SLC25A21: variants seen among roughly 807,000 people sequenced by gnomAD.
SLC25A21 encodes mitochondrial 2-oxodicarboxylate carrier.
In SLC25A21, 47 loss-of-function variants were observed where a neutral mutation model predicts 43.8. The ratio of observed to expected loss-of-function variants is 1.07; its 90% CI spans 0.85 to 1.37. The LOEUF (loss-of-function observed/expected upper bound fraction) is 1.37. SLC25A21 is among the 40% of genes most tolerant of loss of function. The probability of loss-of-function intolerance (pLI) is 0.00; values close to 1 mark genes in which losing one functional copy is unlikely to be tolerated. For synonymous variants in SLC25A21, 131 were observed against 121.3 expected, an observed-to-expected ratio of 1.08 and a Z score of -0.52; for missense variants, 352 against 350.2, an observed-to-expected ratio of 1.00 and a Z score of -0.04.
intron 7 of SLC25A21, among the ~76,000 whole-genome samples, chr14:36,710,229 T>C (rs979595611): frequency 6.6e-6 from 1 of 151,688 alleles, no homozygotes; most frequent in East Asian, 1.9e-4. Flanking sequence ...AAAAATTAGC[T>C]GGGTGCGGTG....
intron 1 of SLC25A21, among the ~76,000 whole-genome samples, chr14:37,119,410 G>C (rs542705293): frequency 6.6e-6 from 1 of 152,014 alleles, no homozygotes; most frequent in Non-Finnish European, 1.5e-5. Context: ...TTATCCAGGC[G>C]TGGTGGTGTG....
chr14:37,115,286 G>A (rs556999571), intron 1 of SLC25A21, among the ~76,000 whole-genome samples: 16 of 152,194 alleles, frequency 1.1e-4, no homozygotes, highest in Non-Finnish European at 1.8e-4. Flanking sequence ...TTGATGCTAC[G>A]GAGTATTGAA....
chr14:36,778,007 C>T (rs555709584), intron 3 of SLC25A21, among the ~76,000 whole-genome samples: 23 of 152,308 alleles, frequency 1.5e-4, no homozygotes, highest in African/African-American at 5.3e-4. Flanking sequence ...TTCCTTACCT[C>T]CCTGAGCTCT....
At chr14:36,834,561 A>G (rs1422180103) in intron 2 of SLC25A21, among the ~76,000 whole-genome samples, 1 of 152,066 alleles carries the variant, frequency 6.6e-6, no homozygotes, top group East Asian at 1.9e-4. Context: ...TTCCTTCCAC[A>G]CCTTTCTCAA....
chr14:36,965,981 T>C (rs1959603937), intron 1 of SLC25A21, among the ~76,000 whole-genome samples: 1 of 152,164 alleles, frequency 6.6e-6, no homozygotes, highest in African/African-American at 2.4e-5. Context: ...TACCAAAATA[T>C]CTCATGTACC....
intron 2 of SLC25A21, among the ~76,000 whole-genome samples, chr14:36,859,494 T>C (rs1890000813): frequency 1.3e-5 from 2 of 152,302 alleles, no homozygotes; most frequent in South Asian, 4.1e-4. Context: ...CTTCTCTTCC[T>C]AGTCTAGGGC....
At chr14:36,844,139 G>A (rs1374811981) in intron 2 of SLC25A21, among the ~76,000 whole-genome samples, 1 of 152,170 alleles carries the variant, frequency 6.6e-6, no homozygotes, top group Non-Finnish European at 1.5e-5. Flanking sequence ...ACTTTAACAC[G>A]CTACAGTACT....
chr14:36,850,430 A>C (rs1343403423), intron 2 of SLC25A21, among the ~76,000 whole-genome samples: 1 of 152,116 alleles, frequency 6.6e-6, no homozygotes, highest in African/African-American at 2.4e-5. Context: ...CCAAAGCTAA[A>C]ATTTTTTTTT....
Position 36,774,478 on chromosome 14 carries a change from G to A in SLC25A21, c.203+39440C>T, listed in dbSNP as rs139039274. Among the ~76,000 whole-genome samples the A allele has an allele frequency of 8.7e-4, 132 of 152,284 alleles. 1 individual carries two copies. Among genetic ancestry groups the A allele is most frequent in the Admixed American group, 1.8e-3 (27 of 15,298 alleles). On this transcript the variant is annotated intron_variant, in intron 3 of 9. Transcript: ENST00000331299. ...GTATGAGGAAAAGAACTGATAGATC[G>A]TTAGGTAGATTTTGATAATATATTC... is the stretch of plus-strand genomic sequence containing the variant.
intron 1 of SLC25A21, among the ~76,000 whole-genome samples, chr14:37,001,208 A>C (rs979612849): frequency 6.6e-6 from 1 of 152,240 alleles, no homozygotes; most frequent in African/African-American, 2.4e-5. Flanking sequence ...TAGCTTCAGC[A>C]CATAGAATTG....
At chr14:36,810,044 A>T (rs1888180766) in intron 3 of SLC25A21, among the ~76,000 whole-genome samples, 1 of 152,150 alleles carries the variant, frequency 6.6e-6, no homozygotes, top group African/African-American at 2.4e-5. Context: ...ACCCAGGGCT[A>T]TGAAATGCTC....
chr14:37,117,965 C>A (rs1177344542), intron 1 of SLC25A21, among the ~76,000 whole-genome samples: 1 of 151,712 alleles, frequency 6.6e-6, no homozygotes, highest in Non-Finnish European at 1.5e-5. Context: ...CAAAATGATT[C>A]TTTTTTGTAT....
chr14:36,935,987 G>C (rs1409970099), intron 1 of SLC25A21, among the ~76,000 whole-genome samples: 1 of 151,496 alleles, frequency 6.6e-6, no homozygotes, highest in Non-Finnish European at 1.5e-5. Context: ...GTTTCTAAAT[G>C]ATAGAATAGT....
At chr14:36,888,305 T>A (rs1476636952) in intron 1 of SLC25A21, among the ~76,000 whole-genome samples, 16 of 152,154 alleles carry the variant, frequency 1.1e-4, no homozygotes, top group Admixed American at 1.0e-3. Flanking sequence ...ATATTCTCTG[T>A]TCATCACAAT....
chr14:37,086,667 T>C (rs1038311996), intron 1 of SLC25A21, among the ~76,000 whole-genome samples: 1 of 152,188 alleles, frequency 6.6e-6, no homozygotes, highest in African/African-American at 2.4e-5. Context: ...GATACCTCCA[T>C]TTTATTGCCT....
chr14:36,698,733 T>C (rs970312949), intron 7 of SLC25A21, among the ~76,000 whole-genome samples: 8 of 152,184 alleles, frequency 5.3e-5, no homozygotes, highest in African/African-American at 1.7e-4. Context: ...GCATGCATCA[T>C]GAAGTTCTCG....
intron 3 of SLC25A21, among the ~76,000 whole-genome samples, chr14:36,800,415 G>T (rs1340297198): frequency 6.6e-6 from 1 of 152,122 alleles, no homozygotes; most frequent in Admixed American, 6.6e-5. Context: ...AGGAAATGAT[G>T]ATGCATGCTA....
chr14:36,911,337 A>G (rs1379792369), intron 1 of SLC25A21, among the ~76,000 whole-genome samples: 1 of 151,896 alleles, frequency 6.6e-6, no homozygotes, highest in Non-Finnish European at 1.5e-5. Context: ...TTAGACCACA[A>G]GGAAGAAGAG....
intron 1 of SLC25A21, among the ~76,000 whole-genome samples, chr14:37,043,944 T>TTTTTTG (rs1961532898): frequency 1.3e-5 from 2 of 150,478 alleles, no homozygotes; most frequent in African/African-American, 2.4e-5. Context: ...TTTTTTGTTT[T>TTTTTTG]TTTTTTTTTT....
Sources: gnomAD v4.1 joint callset for allele counts (sites outside exome capture counted in the v4.1 genomes callset) on GRCh38, gnomAD v4.1.1 for gene constraint, MANE v1.5 for transcripts, NCBI Gene and HGNC (gene_info 2026-07-23, HGNC 2026-07-21) for gene names.